Variants in ZRANB1 observed in about 807,000 individuals in gnomAD.
The protein encoded by ZRANB1 is zinc finger RANBP2-type containing 1, also known as ubiquitin thioesterase ZRANB1.
Under a neutral mutation model 80.5 loss-of-function variants are expected in ZRANB1, and 16 were observed. The observed-to-expected ratio is 0.20, with a 90% CI of 0.13 to 0.30. ZRANB1 has a LOEUF of 0.30. Ranked by LOEUF, ZRANB1 falls within the 10% of genes least tolerant of loss-of-function variation. ZRANB1 has a pLI of 1.00. For synonymous variants in ZRANB1, 291 were observed against 293.1 expected (o/e 0.99, Z 0.07); for missense variants, 576 against 862.6 (o/e 0.67, Z 4.16).
the ZRANB1 span, among the ~76,000 whole-genome samples, chr10:124,924,071 CTCTT>C: frequency 1.3e-5 from 2 of 151,738 alleles, no homozygotes; most frequent in South Asian, 2.1e-4. Flanking sequence ...TGTGGGTGGT[CTCTT>C]TCTTTTTTTT....
intron 8 of ZRANB1, chr10:124,984,549 CTT>C (rs1346949535): frequency 5.7e-6 from 3 of 529,886 alleles, no homozygotes; most frequent in Admixed American, 6.9e-5. Flanking sequence ...GTGTGCTCCT[CTT>C]TAGTTTTTTT....
chr10:124,920,137 G>T, the ZRANB1 span, among the ~76,000 whole-genome samples: 1 of 151,270 alleles, frequency 6.6e-6, no homozygotes, highest in Non-Finnish European at 1.5e-5. Flanking sequence ...TGGCTAGGCT[G>T]GTCTCGAACT....
rs958899668 is a variant in ZRANB1 at position 124,942,649 on chromosome 10, T to C, written c.156T>C (p.Asp52=). ...GTGGTTCAAGTGATGTTGGTAGAGA[T>C]TGGGATCCTTCCAGCACCGAAGGAG... ...FKSGSSDVGR[D]WDPSSTEGGS... The change falls in exon 1 of 9, where the codon GAT becomes GAC. Residue 52 remains aspartate, a synonymous_variant. Transcript: ENST00000359653. 1 of 1,614,228 alleles carries C rather than the reference T, an allele frequency of 6.2e-7. No homozygotes were observed. The highest frequency in any genetic ancestry group is 8.5e-7 in the Non-Finnish European group (1 of 1,180,040).
chr10:124,964,333 G>A (rs901349938), intron 1 of ZRANB1, among the ~76,000 whole-genome samples: 4 of 152,136 alleles, frequency 2.6e-5, no homozygotes, highest in African/African-American at 9.7e-5. Flanking sequence ...ACCCCCCAGT[G>A]CTCATTAACT....
the ZRANB1 span, among the ~76,000 whole-genome samples, chr10:124,929,408 T>C: frequency 6.6e-6 from 1 of 151,252 alleles, no homozygotes; most frequent in African/African-American, 2.4e-5. Context: ...AGATCTCGGC[T>C]CACTGCAACG....
At chr10:124,968,144 G>A (rs571062771) in intron 2 of ZRANB1, among the ~76,000 whole-genome samples, 68 of 152,202 alleles carry the variant, frequency 4.5e-4, no homozygotes, top group African/African-American at 1.6e-3. Context: ...TGATCTGCCC[G>A]CCTCGGCCCC....
chr10:124,921,250 G>C, the ZRANB1 span, among the ~76,000 whole-genome samples: 2 of 152,188 alleles, frequency 1.3e-5, no homozygotes, highest in Admixed American at 6.5e-5. Context: ...TTAGCATCAT[G>C]GGAAGGAGAA....
At chr10:124,952,050 C>T (rs1564958190) in intron 1 of ZRANB1, among the ~76,000 whole-genome samples, 1 of 152,166 alleles carries the variant, frequency 6.6e-6, no homozygotes. Context: ...TGCCCATTGA[C>T]TTCCTTATAG....
chr10:124,922,289 TATATATGTAAA>T, the ZRANB1 span, among the ~76,000 whole-genome samples: 1 of 112,634 alleles, frequency 8.9e-6, no homozygotes, highest in African/African-American at 2.8e-5. Flanking sequence ...AAAATATATA[TATATATGTAAA>T]ATATATATAT....
chr10:124,957,231 C>T (rs1469789258), intron 1 of ZRANB1, among the ~76,000 whole-genome samples: 2 of 150,326 alleles, frequency 1.3e-5, no homozygotes, highest in Non-Finnish European at 3.0e-5. Context: ...GCAGAATGAT[C>T]TTCAATTTAG....
the ZRANB1 span, among the ~76,000 whole-genome samples, chr10:124,926,173 T>C: frequency 1.3e-5 from 2 of 152,120 alleles, no homozygotes; most frequent in Admixed American, 1.3e-4. Context: ...AGTGAGTGAG[T>C]GATGAATGAA....
chr10:124,917,932 C>A, the ZRANB1 span, among the ~76,000 whole-genome samples: 8 of 152,264 alleles, frequency 5.3e-5, no homozygotes, highest in Non-Finnish European at 1.0e-4. Context: ...TGAATGCTGG[C>A]ATTAAGCGCA....
At chr10:124,959,624 G>A (rs1355689351) in intron 1 of ZRANB1, among the ~76,000 whole-genome samples, 3 of 151,998 alleles carry the variant, frequency 2.0e-5, no homozygotes, top group African/African-American at 7.2e-5. Context: ...ATGCCAGCAC[G>A]CCTGGCTTAT....
chr10:124,928,122 C>T, the ZRANB1 span, among the ~76,000 whole-genome samples: 2 of 152,100 alleles, frequency 1.3e-5, no homozygotes, highest in Non-Finnish European at 2.9e-5. Flanking sequence ...GAGGTGGGAA[C>T]ATTTAAGCTG....
intron 2 of ZRANB1, 35 bp downstream of exon 2, chr10:124,966,816 A>G (rs1376175546): frequency 1.9e-6 from 3 of 1,570,956 alleles, no homozygotes; most frequent in African/African-American, 2.7e-5. Context: ...GTTCTTTTAT[A>G]TTAAAGAAAC....
the ZRANB1 span, among the ~76,000 whole-genome samples, chr10:124,923,643 C>A: frequency 6.6e-6 from 1 of 151,900 alleles, no homozygotes; most frequent in Admixed American, 6.6e-5. Flanking sequence ...CTAACAGTTT[C>A]TCATGACTGG....
intron 1 of ZRANB1, among the ~76,000 whole-genome samples, chr10:124,956,072 G>T (rs1951685572): frequency 6.6e-6 from 1 of 152,166 alleles, no homozygotes; most frequent in African/African-American, 2.4e-5. Flanking sequence ...ATTACACAGG[G>T]TTGCCAACTA....
At chr10:124,968,812 AGGAGTAACAGTG>A (rs1453309474) in intron 2 of ZRANB1, among the ~76,000 whole-genome samples, 4 of 152,334 alleles carry the variant, frequency 2.6e-5, no homozygotes, top group African/African-American at 9.6e-5. Flanking sequence ...AGACAGTCTG[AGGAGTAACAGTG>A]GGATGATGAT....
intron 1 of ZRANB1, among the ~76,000 whole-genome samples, chr10:124,965,504 A>G (rs1183987071): frequency 6.6e-6 from 1 of 152,208 alleles, no homozygotes; most frequent in Non-Finnish European, 1.5e-5. Flanking sequence ...ATCTTTACTA[A>G]TGGTAGAAAA....
Sources: allele counts gnomAD v4.1 joint callset (sites outside exome capture counted in the v4.1 genomes callset), GRCh38; gene constraint gnomAD v4.1.1; transcripts MANE v1.5; gene names NCBI Gene and HGNC (gene_info 2026-07-23, HGNC 2026-07-21).